The following PALLD variants were observed in gnomAD, a reference collection of about 807,000 sequenced individuals.
PALLD encodes the protein palladin, cytoskeletal associated protein, also known as palladin.
A neutral mutation model predicts 123.5 loss-of-function variants in PALLD; 61 were observed. The observed-to-expected ratio is 0.49, with a 90% confidence interval of 0.40 to 0.61. The LOEUF is 0.61. PALLD is among the 20% of genes least tolerant of loss of function. The pLI is 0.00. For synonymous variants in PALLD, 465 were observed against 496.4 expected (o/e 0.94, Z 0.84); for missense variants, 1,273 against 1,377.0 (o/e 0.92, Z 1.20).
intron 2 of PALLD, among the ~76,000 whole-genome samples, chr4:168,656,997 C>G (rs140757926): frequency 1.3e-5 from 2 of 152,122 alleles, no homozygotes; most frequent in Non-Finnish European, 2.9e-5. Context: ...TAGGGCTTGC[C>G]GTATTACTGA....
chr4:168,843,367 C>T (rs1465936591), intron 10 of PALLD, among the ~76,000 whole-genome samples: 2 of 72,892 alleles, frequency 2.7e-5, no homozygotes, highest in African/African-American at 2.6e-4. Context: ...GTAAGTTTAC[C>T]TAATACTCCT....
intron 2 of PALLD, among the ~76,000 whole-genome samples, chr4:168,566,216 T>A (rs1025031053): frequency 1.3e-4 from 20 of 151,218 alleles, no homozygotes; most frequent in African/African-American, 4.8e-4. Context: ...TTTTCTAGAT[T>A]TAGACCTTGT....
chr4:168,670,832 T>A (rs1228040497), intron 3 of PALLD, among the ~76,000 whole-genome samples: 2 of 142,528 alleles, frequency 1.4e-5, no homozygotes, highest in Admixed American at 7.0e-5. Flanking sequence ...ACACCTGTAA[T>A]CCCAGCACTT....
chr4:168,642,353 C>A (rs1777043820), intron 2 of PALLD, among the ~76,000 whole-genome samples: 1 of 152,068 alleles, frequency 6.6e-6, no homozygotes, highest in South Asian at 2.1e-4. Flanking sequence ...CTTCTCTATT[C>A]CCTTTTCCAA....
At chr4:168,599,649 C>T (rs535403578) in intron 2 of PALLD, among the ~76,000 whole-genome samples, 1 of 152,170 alleles carries the variant, frequency 6.6e-6, no homozygotes, top group African/African-American at 2.4e-5. Flanking sequence ...ACCTGTAGTC[C>T]TAGCTACTGG....
At chr4:168,713,881 C>T (rs914034251) in intron 10 of PALLD, among the ~76,000 whole-genome samples, 1 of 147,416 alleles carries the variant, frequency 6.8e-6, no homozygotes, top group African/African-American at 2.5e-5. Context: ...AAAAGCAGAA[C>T]ACCTAACCAC....
chr4:168,886,803 A>G (rs1753393578), intron 10 of PALLD, among the ~76,000 whole-genome samples: 1 of 152,168 alleles, frequency 6.6e-6, no homozygotes, highest in African/African-American at 2.4e-5. Context: ...GGTAATCTTG[A>G]TATGTTGAAG....
At chr4:168,911,390 A>C (rs1451730882) in intron 15 of PALLD, among the ~76,000 whole-genome samples, 1 of 152,208 alleles carries the variant, frequency 6.6e-6, no homozygotes, top group Non-Finnish European at 1.5e-5. Context: ...TATCACAAGG[A>C]AGGATATATC....
chr4:168,850,523 C>CTTTTTTTTTTTT lies in PALLD; in HGVS notation c.1965-40382_1965-40371dup, dbSNP rs767777801. 9.2e-4 allele frequency among the ~76,000 whole-genome samples: 32 copies of CTTTTTTTTTTTT among 34,712 alleles called. 6 individuals are homozygous for CTTTTTTTTTTTT. The highest frequency in any genetic ancestry group is 3.3e-3 in the African/African-American group (25 of 7,558). The allele number at this position is 34,712 out of a possible 152,430, so 22.8% of individuals were successfully genotyped here. A position where few individuals can be genotyped will look rare whatever the true frequency, so the allele number is the denominator to read the frequency against. ...TATATAATTTGTAAGTCTGTCATTTCTTTTTTTTTTTTTTTTTTTTTTTTT... is the reference window on the plus strand; with the variant it reads ...TATATAATTTGTAAGTCTGTCATTTCTTTTTTTTTTTTTTTTTTTTTTTTTTTTTTTTTTTTT... On this transcript the variant is annotated intron_variant, in intron 10 of 21. Transcript: ENST00000505667.
chr4:168,733,634 G>T (rs1469630119), intron 10 of PALLD, among the ~76,000 whole-genome samples: 1 of 151,918 alleles, frequency 6.6e-6, no homozygotes, highest in Non-Finnish European at 1.5e-5. Context: ...GTTTTGCTTT[G>T]TTGCCCAGGC....
chr4:168,784,168 A>G (rs569204445), intron 10 of PALLD, among the ~76,000 whole-genome samples: 65 of 152,314 alleles, frequency 4.3e-4, no homozygotes, highest in Admixed American at 2.0e-3. Context: ...GGCTACCAAC[A>G]GACATCTGAA....
intron 2 of PALLD, among the ~76,000 whole-genome samples, chr4:168,528,114 CCT>C (rs1228445925): frequency 1.1e-4 from 17 of 152,050 alleles, no homozygotes; most frequent in African/African-American, 4.1e-4. Context: ...TTTAGTGTGC[CCT>C]CTCTTTCTAG....
chr4:168,732,632 T>TG (rs138347206), intron 10 of PALLD, among the ~76,000 whole-genome samples: 22,938 of 152,130 alleles, frequency 0.15, 1,773 homozygotes, highest in South Asian at 0.22. Context: ...GGCTTAAGGA[T>TG]GTTCCAAAGG....
Position 168,595,107 on chromosome 4 carries a change from A to G in PALLD, c.909-73083A>G, listed in dbSNP as rs188850473. ...AGACTATGGATTAGAGAAATTGACT[A>G]GATGTCATTAAAGACCCCAAATAAA... On this transcript the variant is annotated intron_variant, in intron 2 of 21. Transcript: ENST00000505667. Among the ~76,000 whole-genome samples the G allele has an allele frequency of 2.6e-5, 4 of 152,300 alleles. No homozygotes were observed. The East Asian group carries it at 7.7e-4, about 29-fold the overall frequency.
At chr4:168,598,085 AT>A (rs1317620094) in intron 2 of PALLD, among the ~76,000 whole-genome samples, 8 of 152,104 alleles carry the variant, frequency 5.3e-5, no homozygotes, top group South Asian at 2.1e-4. Flanking sequence ...TTCAGAGTGA[AT>A]TTTTTTAACA....
chr4:168,565,023 CA>C (rs761594759), intron 2 of PALLD, among the ~76,000 whole-genome samples: 12,181 of 115,996 alleles, frequency 0.11, 676 homozygotes, highest in South Asian at 0.16. Flanking sequence ...CCATCTCTAC[CA>C]AAAAAAAAAA....
chr4:168,633,946 T>TA (rs1414449838), intron 2 of PALLD, among the ~76,000 whole-genome samples: 1 of 152,112 alleles, frequency 6.6e-6, no homozygotes, highest in African/African-American at 2.4e-5. Context: ...AACAGTTTCT[T>TA]AAAAAAATAA....
chr4:168,791,885 A>G lies in PALLD; in HGVS notation c.1964+79962A>G, dbSNP rs536317883. ...ATGTCTCCAAATAAGTACTTCTTTTATAACATAAAATCTTCTAAAAAAAAG... is the reference window on the plus strand; with the variant it reads ...ATGTCTCCAAATAAGTACTTCTTTTGTAACATAAAATCTTCTAAAAAAAAG... On this transcript the variant is annotated intron_variant, in intron 10 of 21. Transcript: ENST00000505667. Among the ~76,000 whole-genome samples the G allele has an allele frequency of 4.0e-4, 61 of 152,094 alleles. 1 individual carries two copies. In the South Asian group the frequency reaches 0.011, roughly 26 times the overall value.
chr4:168,784,742 C>T (rs1327026667), intron 10 of PALLD, among the ~76,000 whole-genome samples: 2 of 152,228 alleles, frequency 1.3e-5, no homozygotes, highest in Non-Finnish European at 2.9e-5. Context: ...CCTCCTCTTA[C>T]TTGGGAATGT....
Sources: gnomAD v4.1 joint callset for allele counts (sites outside exome capture counted in the v4.1 genomes callset) on GRCh38, gnomAD v4.1.1 for gene constraint, MANE v1.5 for transcripts, NCBI Gene and HGNC (gene_info 2026-07-23, HGNC 2026-07-21) for gene names.